Variants in TRIM23 observed in about 807,000 individuals in gnomAD.
The protein encoded by TRIM23 is E3 ubiquitin-protein ligase TRIM23.
TRIM23 carries 27 observed loss-of-function variants against 71.0 expected under a neutral mutation model. The observed-to-expected ratio is 0.38, with a 90% CI of 0.28 to 0.52. The LOEUF is 0.52. Among genes scored for constraint, TRIM23 ranks in the 20% least tolerant of loss-of-function variants. TRIM23 has a pLI of 0.84. For missense variants in TRIM23, 482 were observed against 692.3 expected (o/e 0.70, Z 3.41); for synonymous variants, 234 against 238.0 (o/e 0.98, Z 0.16).
chr5:65,608,808 C>T (rs1754570121), intron 6 of TRIM23, among the ~76,000 whole-genome samples: 1 of 152,042 alleles, frequency 6.6e-6, no homozygotes, highest in South Asian at 2.1e-4. Flanking sequence ...CAGACGTAGG[C>T]AGTACATGGT....
chr5:65,596,242 T>C (rs1754203110), intron 9 of TRIM23, among the ~76,000 whole-genome samples, 179 bp downstream of exon 9: 1 of 152,190 alleles, frequency 6.6e-6, no homozygotes, highest in Non-Finnish European at 1.5e-5. Context: ...AGGAATAAAC[T>C]AAAAGTATAT....
chr5:65,621,187 C>G (rs962156177), intron 1 of TRIM23, among the ~76,000 whole-genome samples: 4 of 152,090 alleles, frequency 2.6e-5, no homozygotes, highest in Admixed American at 2.6e-4. Context: ...CCCATCTCTA[C>G]CAAAAATACA....
intron 1 of TRIM23, among the ~76,000 whole-genome samples, chr5:65,618,767 C>T (rs573877275): frequency 1.3e-5 from 2 of 152,300 alleles, no homozygotes; most frequent in East Asian, 3.9e-4. Flanking sequence ...CTTCTACTAT[C>T]TAATGTACAT....
intron 10 of TRIM23, 78 bp from the exon 11 acceptor site, chr5:65,592,026 T>C (rs1754053053): frequency 1.4e-6 from 2 of 1,404,872 alleles, no homozygotes; most frequent in East Asian, 4.8e-5. Context: ...TATAGAGAAA[T>C]TTGTTGACAG....
intron 1 of TRIM23, among the ~76,000 whole-genome samples, chr5:65,619,350 T>C (rs1271944210): frequency 6.6e-6 from 1 of 152,250 alleles, no homozygotes; most frequent in Non-Finnish European, 1.5e-5. Flanking sequence ...CCTTGGTCTT[T>C]TAGCCCGTCT....
At position 65,591,645 on chromosome 5, in the gene TRIM23, TTATATATA is replaced by T. The variant is rs10644434; in HGVS notation, c.*116_*123del. 34 of 717,296 alleles carry T rather than the reference TTATATATA, an allele frequency of 4.7e-5. 2 individuals carry two copies. Among genetic ancestry groups the T allele is most frequent in the Admixed American group, 2.9e-4 (6 of 20,474 alleles). 44.4% of individuals were successfully genotyped at this position (717,296 alleles called of 1,614,324 possible). A position where few individuals can be genotyped will look rare whatever the true frequency, so the allele number is the denominator to read the frequency against. On this transcript the variant is annotated 3_prime_UTR_variant, in exon 11 of 11. Transcript: ENST00000231524. ...ACTGAATTCCCAATCCAAGATTCCTTTATATATATATATATATATATGCATCCTAAATT... is the reference window on the plus strand; with the variant it reads ...ACTGAATTCCCAATCCAAGATTCCTTTATATATATATATGCATCCTAAATT...
rs535262715 is a variant in TRIM23, at chr5:65,621,284, G to A, written c.81+2910C>T. Reference sequence around the variant, plus strand: ...GGAGAATGGTATGAACCTAAGAGGCGGAGCTTGCAGTGAGCCAAGATTGTG... The same window carrying A: ...GGAGAATGGTATGAACCTAAGAGGCAGAGCTTGCAGTGAGCCAAGATTGTG... On this transcript the variant is annotated intron_variant, in intron 1 of 10. Transcript: ENST00000231524. Among the ~76,000 whole-genome samples, 12 of 152,210 alleles carry A rather than the reference G, an allele frequency of 7.9e-5. No homozygotes were observed. The South Asian group carries it at 1.2e-3, about 16-fold the overall frequency.
At chr5:65,592,017 A>G in intron 10 of TRIM23, 69 bp from the exon 11 acceptor site, 3 of 1,459,136 alleles carry the variant, frequency 2.1e-6, no homozygotes, top group Admixed American at 4.0e-5. Flanking sequence ...ATCACCATTT[A>G]TAGAGAAATT....
At chr5:65,614,406 C>A (rs929462085) in intron 2 of TRIM23, among the ~76,000 whole-genome samples, 187 bp from the exon 3 acceptor site, 8 of 152,228 alleles carry the variant, frequency 5.3e-5, no homozygotes, top group African/African-American at 1.9e-4. Context: ...ACAGAAGAAT[C>A]CTTCAGCCTT....
In TRIM23 at chr5:65,605,005, C is replaced by G. The variant is rs749053916; in HGVS notation, c.1085G>C (p.Arg362Thr). 4 of 1,613,746 alleles carry G rather than the reference C, an allele frequency of 2.5e-6. No individual in the cohort carries two copies. Among genetic ancestry groups the G allele is most frequent in the East Asian group, 2.2e-5 (1 of 44,856 alleles). The part of the protein sequence containing the change: ...RVVLAKQEIT[R>T]LLETLQKQQQ... Reference sequence around the variant, plus strand: ...CTGTTTCTGCAATGTTTCCAGTAACCTTGTAATTTCCTGTTTTGCCAAGAC... The same window carrying G: ...CTGTTTCTGCAATGTTTCCAGTAACGTTGTAATTTCCTGTTTTGCCAAGAC... Residue 362 changes from arginine to threonine, a missense_variant, in exon 7 of 11, where the codon AGG (arginine) becomes ACG (threonine). Physicochemically the swap from Arg to Thr is moderately conservative, Grantham distance 71. This residue lies in a region of TRIM23 where 307 missense variants were observed against 495.8 expected (regional missense o/e 0.62). Transcript: ENST00000231524.
rs1204438828 is a variant in TRIM23, at chr5:65,590,489, TACA to T, written c.*1277_*1279del. 31 of 1,221,914 alleles carry T rather than the reference TACA, an allele frequency of 2.5e-5. No individual in the cohort carries two copies. Among genetic ancestry groups the T allele is most frequent in the Admixed American group, 8.7e-5 (2 of 22,974 alleles). The allele number at this position is 1,221,914 out of a possible 1,614,324, so 75.7% of individuals were successfully genotyped here. A position where few individuals can be genotyped will look rare whatever the true frequency, so the allele number is the denominator to read the frequency against. Reference sequence around the variant, plus strand: ...TCTTGTTACCAGACATCACTGTCCTTACAACAATTCAACTAATAAGATTTAAGA... The same window carrying T: ...TCTTGTTACCAGACATCACTGTCCTTACAATTCAACTAATAAGATTTAAGA... On this transcript the variant is annotated 3_prime_UTR_variant, in exon 11 of 11. Transcript: ENST00000231524.
At chr5:65,594,794 G>A in intron 9 of TRIM23, 149 bp from the exon 10 acceptor site, 1 of 640,520 alleles carries the variant, frequency 1.6e-6, no homozygotes, top group Non-Finnish European at 2.4e-6. Flanking sequence ...TATGGCAGGG[G>A]CACCTACAAA....
chr5:65,609,165 A>G, intron 6 of TRIM23, 78 bp downstream of exon 6: 1 of 1,436,410 alleles, frequency 7.0e-7, no homozygotes, highest in East Asian at 2.3e-5. Context: ...AATATTAATA[A>G]AACACACTAA....
intron 6 of TRIM23, 83 bp downstream of exon 6, chr5:65,609,160 T>A: frequency 7.2e-7 from 1 of 1,395,538 alleles, no homozygotes; most frequent in Non-Finnish European, 1.0e-6. Context: ...CACAAAATAT[T>A]AATAAAACAC....
chr5:65,590,757 T>C lies in TRIM23; in HGVS notation c.*1012A>G, dbSNP rs1753998328. 5.1e-6 allele frequency: 5 copies of C among 985,416 alleles called. No homozygotes were observed. The highest frequency in any genetic ancestry group is 6.0e-6 in the Non-Finnish European group (5 of 829,924). 61.0% of individuals were successfully genotyped at this position (985,416 alleles called of 1,614,324 possible). ...TTCTCATGAACAGCCTTAAGTTTTA[T>C]TGTCAAAATAAATGCACTTATTTTG... On this transcript the variant is annotated 3_prime_UTR_variant, in exon 11 of 11. Coordinates refer to ENST00000231524, the MANE Select transcript of TRIM23 (RefSeq NM_001656.4).
chr5:65,609,600 T>C, intron 5 of TRIM23, 142 bp from the exon 6 acceptor site: 1 of 838,274 alleles, frequency 1.2e-6, no homozygotes, highest in African/African-American at 1.7e-5. Flanking sequence ...CGTGGTGGCA[T>C]GTGCCTGTAG....
chr5:65,595,557 CAAAAAAA>C, intron 9 of TRIM23, among the ~76,000 whole-genome samples: 1 of 93,494 alleles, frequency 1.1e-5, no homozygotes, highest in African/African-American at 4.2e-5. Flanking sequence ...GACTCGATCT[CAAAAAAA>C]AAAAAAAAAA....
Position 65,624,208 on chromosome 5 carries a change from T to C in TRIM23, c.67A>G (p.Thr23Ala). 6.2e-7 allele frequency: 1 copy of C among 1,614,068 alleles called. No homozygotes were observed. The change falls in exon 1 of 11, where the codon ACA becomes GCA. Residue 23 changes from threonine (T) to alanine (A), a missense_variant. Thr to Ala is a moderately conservative substitution (Grantham distance 58). This residue lies in a region of TRIM23 where 175 missense variants were observed against 196.5 expected (regional missense o/e 0.89). Coordinates refer to ENST00000231524, the MANE Select transcript of TRIM23 (RefSeq NM_001656.4). Reference sequence around the variant, plus strand: ...AGGTCCCTCACCTTCACTACAGCTGTCCCCCGGCTGCCCTGCCGGCCACTG... The same window carrying C: ...AGGTCCCTCACCTTCACTACAGCTGCCCCCCGGCTGCCCTGCCGGCCACTG... ...VDSGRQGSRG[T>A]AVVKVLECGV...
chr5:65,591,526 A>G lies in TRIM23; in HGVS notation c.*243T>C. The G allele has an allele frequency of 6.6e-7, 1 of 1,503,920 alleles. No individual in the cohort carries two copies. Among genetic ancestry groups the G allele is most frequent in the Admixed American group, 1.9e-5 (1 of 52,992 alleles). 93.2% of individuals were successfully genotyped at this position (1,503,920 alleles called of 1,614,324 possible). Reference sequence around the variant, plus strand: ...AACTTAAATAACAAATATACTTTTTAAAAGAATGTATATTCAATAAGTTTC... The same window carrying G: ...AACTTAAATAACAAATATACTTTTTGAAAGAATGTATATTCAATAAGTTTC... On this transcript the variant is annotated 3_prime_UTR_variant, in exon 11 of 11. Coordinates refer to ENST00000231524, the MANE Select transcript of TRIM23 (RefSeq NM_001656.4).
Sources: gnomAD v4.1 joint callset for allele counts (sites outside exome capture counted in the v4.1 genomes callset) on GRCh38, gnomAD v4.1.1 for gene constraint, gnomAD v4.1.1 regional missense constraint, MANE v1.5 for transcripts, NCBI Gene and HGNC (gene_info 2026-07-23, HGNC 2026-07-21) for gene names.